The following INPP4B variants were observed in gnomAD, a reference collection of about 807,000 sequenced individuals.
The protein encoded by INPP4B is inositol polyphosphate 4-phosphatase type II.
Under a neutral mutation model 122.5 loss-of-function variants are expected in INPP4B, and 55 were observed. The ratio of observed to expected loss-of-function variants is 0.45; its 90% confidence interval spans 0.36 to 0.56. The LOEUF is 0.56. Among genes scored for constraint, INPP4B ranks in the 20% least tolerant of loss-of-function variants. The probability of loss-of-function intolerance (pLI) is 0.00; values close to 1 mark genes in which losing one functional copy is unlikely to be tolerated. For missense variants in INPP4B, 1,000 were observed against 1,097.7 expected (o/e 0.91, Z 1.26); for synonymous variants, 403 against 388.7 (o/e 1.04, Z -0.43).
chr4:142,109,991 A>T (rs1789187620), intron 22 of INPP4B, among the ~76,000 whole-genome samples: 1 of 152,110 alleles, frequency 6.6e-6, no homozygotes, highest in South Asian at 2.1e-4. Context: ...AGAATCTGAA[A>T]TATATTCTTC....
chr4:142,315,037 A>T (rs1188919799), intron 7 of INPP4B, among the ~76,000 whole-genome samples: 1 of 152,180 alleles, frequency 6.6e-6, no homozygotes, highest in African/African-American at 2.4e-5. Context: ...TTAATCTCCT[A>T]AAAAGGCAAT....
chr4:142,299,787 TG>T (rs1363598605), intron 9 of INPP4B, among the ~76,000 whole-genome samples: 2 of 152,080 alleles, frequency 1.3e-5, no homozygotes, highest in East Asian at 3.9e-4. Context: ...TCTTACTTTC[TG>T]GTACCTCCCC....
At chr4:142,287,925 G>C (rs944241221) in intron 9 of INPP4B, among the ~76,000 whole-genome samples, 3 of 152,160 alleles carry the variant, frequency 2.0e-5, no homozygotes, top group African/African-American at 7.2e-5. Flanking sequence ...TTCTGGTGAG[G>C]GCTCTCTTCC....
At chr4:142,370,135 T>A (rs1789304359) in intron 7 of INPP4B, among the ~76,000 whole-genome samples, 1 of 152,024 alleles carries the variant, frequency 6.6e-6, no homozygotes, top group South Asian at 2.1e-4. Context: ...GATAGGGAAG[T>A]TAGATGCTCA....
At chr4:142,369,862 C>T (rs368011025) in intron 7 of INPP4B, among the ~76,000 whole-genome samples, 192 of 146,828 alleles carry the variant, frequency 1.3e-3, no homozygotes, top group East Asian at 7.1e-3. Context: ...ACCCAGGAGA[C>T]GGAGGTTCCA....
At chr4:142,353,369 G>A (rs1159814609) in intron 7 of INPP4B, among the ~76,000 whole-genome samples, 1 of 151,950 alleles carries the variant, frequency 6.6e-6, no homozygotes, top group East Asian at 1.9e-4. Flanking sequence ...AAGAAAAGAG[G>A]AAAAAATTCC....
intron 21 of INPP4B, among the ~76,000 whole-genome samples, chr4:142,118,875 A>C (rs1795145976): frequency 6.6e-6 from 1 of 152,188 alleles, no homozygotes; most frequent in Non-Finnish European, 1.5e-5. Flanking sequence ...GAATTGGAGA[A>C]AATTTTTACA....
At chr4:142,233,990 T>C (rs1215246095) in intron 12 of INPP4B, among the ~76,000 whole-genome samples, 2 of 152,152 alleles carry the variant, frequency 1.3e-5, no homozygotes, top group Admixed American at 1.3e-4. Context: ...TATAATAATG[T>C]AAAGCCACTG....
intron 17 of INPP4B, among the ~76,000 whole-genome samples, chr4:142,150,180 G>GCCTACTCTT (rs902209636): frequency 4.6e-5 from 7 of 152,186 alleles, no homozygotes; most frequent in African/African-American, 1.7e-4. Flanking sequence ...TGAGGCTAGG[G>GCCTACTCTT]CCTACTCTTC....
chr4:142,164,240 T>C (rs1382266569), intron 16 of INPP4B, among the ~76,000 whole-genome samples: 1 of 151,818 alleles, frequency 6.6e-6, no homozygotes. Context: ...AGAGGAATAG[T>C]TAGGACATGT....
chr4:142,696,325 A>G (rs1761017968), intron 2 of INPP4B, among the ~76,000 whole-genome samples: 1 of 152,164 alleles, frequency 6.6e-6, no homozygotes. Flanking sequence ...AGAGATCCTC[A>G]TGCAACAACC....
chr4:142,035,767 C>T (rs1743475926), intron 25 of INPP4B, among the ~76,000 whole-genome samples: 1 of 152,148 alleles, frequency 6.6e-6, no homozygotes, highest in African/African-American at 2.4e-5. Flanking sequence ...ACTGGTCTAT[C>T]TCATGCTTGA....
intron 25 of INPP4B, among the ~76,000 whole-genome samples, chr4:142,057,835 T>TA (rs953118438): frequency 6.6e-6 from 1 of 152,190 alleles, no homozygotes; most frequent in African/African-American, 2.4e-5. Flanking sequence ...GCAAAAATTT[T>TA]ATCTATCTAT....
At chr4:142,773,023 G>T (rs1773329717) in intron 1 of INPP4B, among the ~76,000 whole-genome samples, 1 of 152,008 alleles carries the variant, frequency 6.6e-6, no homozygotes, top group African/African-American at 2.4e-5. Flanking sequence ...TCCAGCCTGG[G>T]TGACAGTGAA....
intron 2 of INPP4B, among the ~76,000 whole-genome samples, chr4:142,578,740 G>T (rs2150189675): frequency 6.6e-6 from 1 of 152,010 alleles, no homozygotes. Context: ...TATATGAATG[G>T]GGGGACATAT....
At chr4:142,678,240 G>A (rs1160716652) in intron 2 of INPP4B, among the ~76,000 whole-genome samples, 1 of 151,846 alleles carries the variant, frequency 6.6e-6, no homozygotes, top group Non-Finnish European at 1.5e-5. Flanking sequence ...CAGTTCAGAG[G>A]GGTCTACCGT....
chr4:142,711,430 T>G (rs1326361188), intron 2 of INPP4B, among the ~76,000 whole-genome samples: 1 of 152,024 alleles, frequency 6.6e-6, no homozygotes, highest in Admixed American at 6.6e-5. Context: ...ACTGCTATAT[T>G]CCCAGCATCT....
At chr4:142,507,613 A>G (rs1347787138) in intron 2 of INPP4B, among the ~76,000 whole-genome samples, 1 of 152,096 alleles carries the variant, frequency 6.6e-6, no homozygotes, top group Non-Finnish European at 1.5e-5. Flanking sequence ...ACAATTTGCA[A>G]TTGTTTAAAA....
At chr4:142,709,775 T>A (rs1000045464) in intron 2 of INPP4B, among the ~76,000 whole-genome samples, 5 of 152,190 alleles carry the variant, frequency 3.3e-5, no homozygotes, top group African/African-American at 7.2e-5. Context: ...CTTTTCAACT[T>A]ATTACCTGCT....
Sources: gnomAD v4.1 joint callset for allele counts (sites outside exome capture counted in the v4.1 genomes callset) on GRCh38, gnomAD v4.1.1 for gene constraint, MANE v1.5 for transcripts, NCBI Gene and HGNC (gene_info 2026-07-23, HGNC 2026-07-21) for gene names.